Variants in TAFA1 observed in about 807,000 individuals in gnomAD.
TAFA1 encodes TAFA chemokine like family member 1, also known as chemokine-like protein TAFA-1.
A neutral mutation model predicts 18.5 loss-of-function variants in TAFA1; 4 were observed. The ratio of observed to expected loss-of-function variants is 0.22; its 90% CI spans 0.11 to 0.49. TAFA1 has a LOEUF of 0.49. TAFA1 is among the 20% of genes least tolerant of loss of function. The probability of loss-of-function intolerance (pLI) is 0.98; values close to 1 mark genes in which losing one functional copy is unlikely to be tolerated. For missense variants in TAFA1, 147 were observed against 169.0 expected, an observed-to-expected ratio of 0.87 and a Z score of 0.72; for synonymous variants, 56 against 55.2, an observed-to-expected ratio of 1.01 and a Z score of -0.06.
At chr3:68,525,112 A>C (rs1301767778) in intron 3 of TAFA1, among the ~76,000 whole-genome samples, 1 of 152,190 alleles carries the variant, frequency 6.6e-6, no homozygotes, top group Non-Finnish European at 1.5e-5. Flanking sequence ...ACTTTTTGCA[A>C]ACAGATCCAT....
the TAFA1 span, among the ~76,000 whole-genome samples, chr3:67,993,343 G>A: frequency 6.6e-6 from 1 of 152,202 alleles, no homozygotes; most frequent in East Asian, 1.9e-4. Context: ...GGTGAGTGGA[G>A]GTACCATATA....
At chr3:67,995,479 G>A in the TAFA1 span, among the ~76,000 whole-genome samples, 6 of 152,110 alleles carry the variant, frequency 3.9e-5, no homozygotes, top group South Asian at 2.1e-4. Flanking sequence ...CATGCGAGGC[G>A]TGTTCTCATC....
At chr3:68,189,292 T>G (rs2066310001) in intron 2 of TAFA1, among the ~76,000 whole-genome samples, 1 of 151,916 alleles carries the variant, frequency 6.6e-6, no homozygotes, top group African/African-American at 2.4e-5. Context: ...CATGCCTCTG[T>G]TTTATAGTAC....
intron 2 of TAFA1, among the ~76,000 whole-genome samples, chr3:68,032,013 T>C (rs1381126509): frequency 6.6e-6 from 1 of 152,176 alleles, no homozygotes; most frequent in Non-Finnish European, 1.5e-5. Context: ...TGCACTGACA[T>C]CTAAGTCTTG....
intron 3 of TAFA1, among the ~76,000 whole-genome samples, chr3:68,448,758 T>G (rs1203528987): frequency 6.6e-6 from 1 of 152,264 alleles, no homozygotes; most frequent in Non-Finnish European, 1.5e-5. Flanking sequence ...TCTGTAATTG[T>G]GTAACCTGAA....
At chr3:68,131,153 A>T (rs78765537) in intron 2 of TAFA1, among the ~76,000 whole-genome samples, 7 of 152,164 alleles carry the variant, frequency 4.6e-5, no homozygotes, top group Non-Finnish European at 8.8e-5. Context: ...CCTGCACCAT[A>T]TATAACTAGT....
intron 2 of TAFA1, among the ~76,000 whole-genome samples, chr3:68,186,685 AG>A (rs1009939586): frequency 6.6e-6 from 1 of 152,016 alleles, no homozygotes; most frequent in African/African-American, 2.4e-5. Flanking sequence ...TCCTTTATCC[AG>A]GGACCCAACC....
chr3:68,267,056 C>T (rs1458527076), intron 2 of TAFA1, among the ~76,000 whole-genome samples: 1 of 152,110 alleles, frequency 6.6e-6, no homozygotes, highest in Non-Finnish European at 1.5e-5. Flanking sequence ...TAATCCTCCT[C>T]CCTAGGGAAC....
chr3:68,156,596 A>T (rs1258482307), intron 2 of TAFA1, among the ~76,000 whole-genome samples: 1 of 152,172 alleles, frequency 6.6e-6, no homozygotes, highest in African/African-American at 2.4e-5. Flanking sequence ...CAATAAAATG[A>T]TCCATTAATG....
At chr3:68,115,194 G>A (rs1001602036) in intron 2 of TAFA1, among the ~76,000 whole-genome samples, 37 of 152,176 alleles carry the variant, frequency 2.4e-4, no homozygotes, top group African/African-American at 8.2e-4. Flanking sequence ...TTACATGACA[G>A]TTTGCTATAC....
At chr3:67,991,635 G>T in the TAFA1 span, among the ~76,000 whole-genome samples, 1,735 of 152,308 alleles carry the variant, frequency 0.011, 35 homozygotes, top group African/African-American at 0.039. Flanking sequence ...CTTCAGGACT[G>T]ACACAAGCAA....
At chr3:68,072,489 C>T (rs1299938661) in intron 2 of TAFA1, among the ~76,000 whole-genome samples, 1 of 152,034 alleles carries the variant, frequency 6.6e-6, no homozygotes, top group Non-Finnish European at 1.5e-5. Flanking sequence ...AGACCAGAGA[C>T]AGGGTGACAA....
chr3:68,283,971 G>A (rs2067949590), intron 2 of TAFA1, among the ~76,000 whole-genome samples: 1 of 152,200 alleles, frequency 6.6e-6, no homozygotes, highest in African/African-American at 2.4e-5. Context: ...CAGAAGCCAA[G>A]ACCTGATATT....
At chr3:68,517,848 A>T (rs1414408751) in intron 3 of TAFA1, among the ~76,000 whole-genome samples, 1 of 152,114 alleles carries the variant, frequency 6.6e-6, no homozygotes, top group Non-Finnish European at 1.5e-5. Flanking sequence ...CTAGTTAATT[A>T]AGACTGTGGA....
At chr3:68,195,979 T>C (rs889560728) in intron 2 of TAFA1, among the ~76,000 whole-genome samples, 2 of 151,720 alleles carry the variant, frequency 1.3e-5, no homozygotes, top group African/African-American at 4.8e-5. Flanking sequence ...ATATTTTCTC[T>C]CTTCTTCTGG....
At position 68,223,860 on chromosome 3, in the gene TAFA1, CTTTAT is replaced by C. The variant is rs1170789225; in HGVS notation, c.119-193415_119-193411del. 2.6e-5 allele frequency among the ~76,000 whole-genome samples: 4 copies of C among 152,110 alleles called. No individual in the cohort carries two copies. The East Asian group carries it at 7.7e-4, about 29-fold the overall frequency. ...TCAATGCCTTCTGGGAATCACCATG[CTTTAT>C]TTTAATTTCTGCAGTTAAAACTGAA... On this transcript the variant is annotated intron_variant, in intron 2 of 4. Coordinates refer to ENST00000478136, the MANE Select transcript of TAFA1 (RefSeq NM_213609.4).
chr3:68,020,718 A>T (rs1044315673), intron 2 of TAFA1, among the ~76,000 whole-genome samples: 1 of 152,188 alleles, frequency 6.6e-6, no homozygotes, highest in Non-Finnish European at 1.5e-5. Flanking sequence ...AATAAAATCC[A>T]TGTACTCATC....
chr3:68,388,876 G>T (rs1389333548), intron 2 of TAFA1, among the ~76,000 whole-genome samples: 1 of 152,034 alleles, frequency 6.6e-6, no homozygotes, highest in Non-Finnish European at 1.5e-5. Flanking sequence ...ATCTCCATGT[G>T]ATTAGCCATT....
At chr3:68,410,054 G>A (rs1314825788) in intron 2 of TAFA1, among the ~76,000 whole-genome samples, 1 of 152,188 alleles carries the variant, frequency 6.6e-6, no homozygotes, top group Non-Finnish European at 1.5e-5. Flanking sequence ...CCATTGCTAG[G>A]AGCATATTGG....
Sources: gnomAD v4.1 joint callset for allele counts (sites outside exome capture counted in the v4.1 genomes callset) on GRCh38, gnomAD v4.1.1 for gene constraint, MANE v1.5 for transcripts, NCBI Gene and HGNC (gene_info 2026-07-23, HGNC 2026-07-21) for gene names.